MTREX: variants seen among roughly 807,000 people sequenced by gnomAD.
MTREX encodes the protein exosome RNA helicase MTR4.
MTREX carries 76 observed loss-of-function variants against 135.4 expected under a neutral mutation model. The ratio of observed to expected loss-of-function variants is 0.56; its 90% CI spans 0.47 to 0.68. The LOEUF is 0.68. Among genes scored for constraint, MTREX ranks in the 30% least tolerant of loss-of-function variants. The probability of loss-of-function intolerance (pLI) is 0.00; values close to 1 mark genes in which losing one functional copy is unlikely to be tolerated. For synonymous variants in MTREX, 404 were observed against 401.6 expected, an observed-to-expected ratio of 1.01 and a Z score of -0.07; for missense variants, 920 against 1,262.1, an observed-to-expected ratio of 0.73 and a Z score of 4.11.
At chr5:55,345,290 T>C (rs911467265) in intron 10 of MTREX, 94 bp downstream of exon 10, 2 of 772,954 alleles carry the variant, frequency 2.6e-6, no homozygotes, top group African/African-American at 3.5e-5. Context: ...TTTCTCAAGC[T>C]ATGTAAAGGT....
At chr5:55,325,060 A>G (rs1342202165) in intron 3 of MTREX, among the ~76,000 whole-genome samples, 2 of 152,202 alleles carry the variant, frequency 1.3e-5, no homozygotes, top group African/African-American at 4.8e-5. Flanking sequence ...ATTTATACAC[A>G]TTAGGGACAT....
chr5:55,389,896 C>A (rs947200479), intron 19 of MTREX, among the ~76,000 whole-genome samples: 2 of 151,880 alleles, frequency 1.3e-5, no homozygotes, highest in East Asian at 3.9e-4. Context: ...AATAGAAATC[C>A]TAGACAGAGA....
At chr5:55,352,184 C>T (rs1749841041) in intron 13 of MTREX, among the ~76,000 whole-genome samples, 1 of 151,948 alleles carries the variant, frequency 6.6e-6, no homozygotes, top group Non-Finnish European at 1.5e-5. Context: ...CAGCCTCATA[C>T]ATTATGTTTA....
At position 55,343,426 on chromosome 5, in the gene MTREX, G is replaced by T; in HGVS notation, c.877G>T (p.Ala293Ser). 6.2e-7 allele frequency: 1 copy of T among 1,613,042 alleles called. No individual in the cohort carries two copies. Among genetic ancestry groups the T allele is most frequent in the Non-Finnish European group, 8.5e-7 (1 of 1,179,628 alleles). Residue 293 changes from alanine (A) to serine (S), a missense_variant, in exon 8 of 27, where the codon GCT becomes TCT. By Grantham distance (99) the Ala-to-Ser change is moderately conservative. Around this residue, in one of 6 missense-constraint regions of MTREX, gnomAD observed 88 missense variants for 202.5 expected, o/e 0.43. Transcript: ENST00000230640. ...TACTATTCCAAATGCCCGACAGTTTGCTGAATGGATTTGCCATTTACATAA... is the reference window on the plus strand; with the variant it reads ...TACTATTCCAAATGCCCGACAGTTTTCTGAATGGATTTGCCATTTACATAA... ...SATIPNARQFAEWICHLHKQP... is the reference protein window; with the variant it reads ...SATIPNARQFSEWICHLHKQP...
chr5:55,388,330 C>G (rs1750512098), intron 19 of MTREX, among the ~76,000 whole-genome samples: 1 of 151,954 alleles, frequency 6.6e-6, no homozygotes, highest in Admixed American at 6.6e-5. Context: ...TAAATCGTGA[C>G]AAAGTGAAAG....
At chr5:55,369,951 T>C (rs1750169184) in intron 16 of MTREX, among the ~76,000 whole-genome samples, 1 of 151,486 alleles carries the variant, frequency 6.6e-6, no homozygotes, top group African/African-American at 2.4e-5. Flanking sequence ...CGGAGTTTCA[T>C]CATTCCTATT....
chr5:55,376,486 T>C (rs1189794468), intron 16 of MTREX, among the ~76,000 whole-genome samples: 5 of 152,252 alleles, frequency 3.3e-5, no homozygotes, highest in Admixed American at 3.3e-4. Flanking sequence ...ATTGGTGTAA[T>C]GCCATTCCAG....
intron 5 of MTREX, among the ~76,000 whole-genome samples, chr5:55,333,855 AC>A (rs1009031957): frequency 1.3e-5 from 2 of 152,100 alleles, no homozygotes; most frequent in African/African-American, 2.4e-5. Context: ...CTAGATTTGT[AC>A]CCCCAAAGAA....
At chr5:55,393,277 T>G (rs1750598634) in intron 19 of MTREX, among the ~76,000 whole-genome samples, 1 of 152,212 alleles carries the variant, frequency 6.6e-6, no homozygotes, top group Non-Finnish European at 1.5e-5. Context: ...AGAAGTTGAT[T>G]TTGACAAGTT....
At chr5:55,377,305 C>T (rs909774819) in intron 16 of MTREX, among the ~76,000 whole-genome samples, 10 of 151,834 alleles carry the variant, frequency 6.6e-5, no homozygotes, top group East Asian at 1.9e-4. Context: ...CTAGCCTGGG[C>T]GACAGAGCGA....
At chr5:55,384,690 A>T (rs1579884934) in intron 18 of MTREX, among the ~76,000 whole-genome samples, 1 of 151,844 alleles carries the variant, frequency 6.6e-6, no homozygotes, top group East Asian at 1.9e-4. Context: ...GTCGGGCTGG[A>T]TTATTTGATT....
chr5:55,357,802 G>A (rs542359298), intron 14 of MTREX, among the ~76,000 whole-genome samples: 62 of 152,282 alleles, frequency 4.1e-4, no homozygotes, highest in African/African-American at 1.3e-3. Flanking sequence ...CAGTGTTGAA[G>A]TGGTTCAGTG....
At chr5:55,329,582 G>GT in intron 5 of MTREX, among the ~76,000 whole-genome samples, 1 of 152,208 alleles carries the variant, frequency 6.6e-6, no homozygotes, top group Middle Eastern at 3.4e-3. Context: ...GCCTTTAGCA[G>GT]TTTATTGTAG....
At position 55,346,127 on chromosome 5, in the gene MTREX, A is replaced by G. The variant is rs575824148; in HGVS notation, c.1109-886A>G. Among the ~76,000 whole-genome samples the G allele has an allele frequency of 4.6e-5, 7 of 152,266 alleles. No individual in the cohort carries two copies. The South Asian group carries it at 1.2e-3, about 27-fold the overall frequency. ...GGAATGCTGTTGTAAACATTGATGC[A>G]TGTACTATTTAATACAAGTTTTTGT... On this transcript the variant is annotated intron_variant, in intron 10 of 26. Transcript: ENST00000230640.
chr5:55,318,663 G>T (rs760410207), intron 1 of MTREX, among the ~76,000 whole-genome samples: 1 of 151,998 alleles, frequency 6.6e-6, no homozygotes, highest in African/African-American at 2.4e-5. Flanking sequence ...TAACTGTTGG[G>T]CACTGGCCTT....
chr5:55,387,975 C>CT lies in MTREX; in HGVS notation c.2055dup (p.Asn686Ter). ...AACATCTTCTGTTTTGTTTTTTAGC[C>CT]TAACTCTGGTGAACTGGATCCTTTG... On this transcript the variant is annotated frameshift_variant and splice_region_variant, in exon 19 of 27. Transcript: ENST00000230640. LOFTEE classifies it high-confidence loss of function. 1 of 1,578,660 alleles carries CT rather than the reference C, an allele frequency of 6.3e-7. No homozygotes were observed. Among genetic ancestry groups the CT allele is most frequent in the Non-Finnish European group, 8.6e-7 (1 of 1,156,472 alleles).
chr5:55,373,776 T>G (rs1579877660), intron 16 of MTREX, among the ~76,000 whole-genome samples: 2 of 149,912 alleles, frequency 1.3e-5, no homozygotes, highest in African/African-American at 2.5e-5. Context: ...CTAGTGGGGG[T>G]AGGGGTGGGG....
chr5:55,414,139 T>C, intron 23 of MTREX, 43 bp from the exon 24 acceptor site: 2 of 1,441,524 alleles, frequency 1.4e-6, no homozygotes, highest in Non-Finnish European at 1.9e-6. Flanking sequence ...ACCAGTAACT[T>C]TAAACGTGGG....
chr5:55,347,857 G>T (rs1345947478), intron 11 of MTREX, among the ~76,000 whole-genome samples: 2 of 152,188 alleles, frequency 1.3e-5, no homozygotes, highest in Admixed American at 1.3e-4. Flanking sequence ...GCAAGGAGGA[G>T]CAAGTCACAT....
Sources: allele counts gnomAD v4.1 joint callset (sites outside exome capture counted in the v4.1 genomes callset), GRCh38; gene constraint gnomAD v4.1.1; regional missense constraint gnomAD v4.1.1; transcripts MANE v1.5; gene names NCBI Gene and HGNC (gene_info 2026-07-23, HGNC 2026-07-21).